Variants in PCSK6 observed in about 807,000 individuals in gnomAD.
PCSK6 encodes the protein paired basic amino acid cleaving enzyme 4.
In PCSK6, 85 loss-of-function variants were observed where a neutral mutation model predicts 123.3. The ratio of observed to expected loss-of-function variants is 0.69; its 90% CI spans 0.58 to 0.83. The LOEUF is 0.83. PCSK6 is among the 40% of genes least tolerant of loss of function. The probability of loss-of-function intolerance (pLI) is 0.00; values close to 1 mark genes in which losing one functional copy is unlikely to be tolerated. For synonymous variants in PCSK6, 508 were observed against 516.0 expected (o/e 0.98, Z 0.21); for missense variants, 1,191 against 1,282.3 (o/e 0.93, Z 1.09).
At chr15:101,360,153 T>C (rs1486024976) in intron 13 of PCSK6, among the ~76,000 whole-genome samples, 1 of 152,190 alleles carries the variant, frequency 6.6e-6, no homozygotes. Flanking sequence ...GACTGCTTCA[T>C]ACACTCCACT....
chr15:101,404,740 G>A (rs1181544310), intron 6 of PCSK6, among the ~76,000 whole-genome samples: 3 of 152,156 alleles, frequency 2.0e-5, no homozygotes, highest in African/African-American at 7.2e-5. Flanking sequence ...GGAACTGCTG[G>A]ATAAATGGCA....
At chr15:101,395,018 G>T (rs1253928739) in intron 7 of PCSK6, among the ~76,000 whole-genome samples, 1 of 152,212 alleles carries the variant, frequency 6.6e-6, no homozygotes, top group East Asian at 1.9e-4. Flanking sequence ...GTGATTACCT[G>T]CAGGAAGAGA....
At chr15:101,439,208 T>C (rs553830510) in intron 2 of PCSK6, among the ~76,000 whole-genome samples, 3 of 152,328 alleles carry the variant, frequency 2.0e-5, no homozygotes, top group African/African-American at 7.2e-5. Flanking sequence ...CCGCTGGCAC[T>C]GCAGTGGAAT....
chr15:101,437,917 G>A lies in PCSK6; in HGVS notation c.402+5639C>T, dbSNP rs139524622. Among the ~76,000 whole-genome samples the A allele has an allele frequency of 3.2e-3, 494 of 152,274 alleles. 3 individuals are homozygous for A. Among genetic ancestry groups the A allele is most frequent in the African/African-American group, 0.011 (461 of 41,528 alleles). On this transcript the variant is annotated intron_variant, in intron 2 of 21. Coordinates refer to ENST00000611716, the MANE Select transcript of PCSK6 (RefSeq NM_002570.5). ...AGCTCAGAACGTGACTGTAATGGGA[G>A]ATAAGGGCCTTAAAGAGGTAGTTAC...
chr15:101,304,153 T>A lies in PCSK6; in HGVS notation c.*1105A>T, dbSNP rs1210713221. 6.6e-6 allele frequency: 1 copy of A among 152,570 alleles called. No homozygotes were observed. The highest frequency in any genetic ancestry group is 1.5e-5 in the Non-Finnish European group (1 of 68,026). The allele number at this position is 152,570 out of a possible 1,614,324, so 9.5% of individuals were successfully genotyped here. On this transcript the variant is annotated 3_prime_UTR_variant, in exon 22 of 22. Transcript: ENST00000611716. ...TTACTTCCCTATTCAAGGGAATTGA[T>A]CAAGCAGATCTGTGCATTTCAATGA...
At position 101,307,154 on chromosome 15, in the gene PCSK6, C is replaced by T. The variant is rs77015935; in HGVS notation, c.2812+59G>A. 2.7e-4 allele frequency: 353 copies of T among 1,287,890 alleles called. No individual in the cohort carries two copies. The African/African-American group carries it at 3.7e-3, about 13-fold the overall frequency. The allele number at this position is 1,287,890 out of a possible 1,614,324, so 79.8% of individuals were successfully genotyped here. On this transcript the variant is annotated intron_variant, in intron 21 of 21. Transcript: ENST00000611716. ...TGGCTTTGCTTTTCTCTTTGGAGCA[C>T]GAGCTGGCCAGCTGAGCTCCTCCAC...
chr15:101,407,805 C>A (rs1391702767), intron 6 of PCSK6, among the ~76,000 whole-genome samples: 7 of 152,228 alleles, frequency 4.6e-5, no homozygotes, highest in African/African-American at 1.7e-4. Flanking sequence ...GGAACTGGAA[C>A]AAACCACCTT....
At chr15:101,372,040 C>A (rs763294309) in intron 11 of PCSK6, among the ~76,000 whole-genome samples, 4 of 152,142 alleles carry the variant, frequency 2.6e-5, no homozygotes, top group Non-Finnish European at 4.4e-5. Context: ...CTCCCCAGAC[C>A]AAGCAGATCC....
intron 13 of PCSK6, among the ~76,000 whole-genome samples, chr15:101,362,355 A>C (rs1363935310): frequency 1.3e-5 from 2 of 152,252 alleles, no homozygotes; most frequent in Non-Finnish European, 2.9e-5. Context: ...GCCCAGAAGC[A>C]GGAGGCTGCT....
chr15:101,338,736 A>G (rs2040537426), intron 13 of PCSK6, among the ~76,000 whole-genome samples: 1 of 152,220 alleles, frequency 6.6e-6, no homozygotes, highest in Admixed American at 6.5e-5. Flanking sequence ...AAGATGCCCA[A>G]TCAAATTTTT....
chr15:101,343,816 C>T (rs891275048), intron 13 of PCSK6, among the ~76,000 whole-genome samples: 4 of 152,266 alleles, frequency 2.6e-5, no homozygotes, highest in East Asian at 3.9e-4. Flanking sequence ...ATTGGCCGGG[C>T]GCGGTGGCTC....
At chr15:101,414,775 G>C (rs1037824959) in intron 6 of PCSK6, among the ~76,000 whole-genome samples, 1 of 152,124 alleles carries the variant, frequency 6.6e-6, no homozygotes, top group Non-Finnish European at 1.5e-5. Context: ...TGGATGGATG[G>C]ATGAATAGAT....
Position 101,309,603 on chromosome 15 carries a change from C to T in PCSK6, c.2700-2278G>A, listed in dbSNP as rs140795896. On this transcript the variant is annotated intron_variant, in intron 20 of 21. Coordinates refer to ENST00000611716, the MANE Select transcript of PCSK6 (RefSeq NM_002570.5). ...TCAGGAGTGGGATGCAGAAGACTGA[C>T]GCTTTCATGCTCCAGCCTGGACGCA... Among the ~76,000 whole-genome samples, 561 of 152,362 alleles carry T rather than the reference C, an allele frequency of 3.7e-3. 12 individuals carry two copies. Among genetic ancestry groups the T allele is most frequent in the Admixed American group, 0.028 (436 of 15,302 alleles).
At chr15:101,390,916 A>G (rs1232693002) in intron 8 of PCSK6, among the ~76,000 whole-genome samples, 1 of 145,136 alleles carries the variant, frequency 6.9e-6, no homozygotes, top group African/African-American at 2.5e-5. Flanking sequence ...ACACCCACCC[A>G]CCCACCACAG....
At chr15:101,327,961 T>C (rs539843124) in intron 15 of PCSK6, among the ~76,000 whole-genome samples, 1 of 152,264 alleles carries the variant, frequency 6.6e-6, no homozygotes, top group South Asian at 2.1e-4. Flanking sequence ...TAAAACTCAT[T>C]ACTAAACTCC....
chr15:101,427,091 G>A (rs753718934), intron 6 of PCSK6, among the ~76,000 whole-genome samples: 14 of 152,200 alleles, frequency 9.2e-5, no homozygotes, highest in Non-Finnish European at 1.6e-4. Context: ...TCACACTGCC[G>A]GGCTCCCGTG....
chr15:101,451,183 T>C (rs1434997051), intron 1 of PCSK6, among the ~76,000 whole-genome samples: 1 of 151,962 alleles, frequency 6.6e-6, no homozygotes, highest in Non-Finnish European at 1.5e-5. Flanking sequence ...TAAATGTTTT[T>C]TGAAGATCCT....
At chr15:101,438,325 A>G (rs937534233) in intron 2 of PCSK6, among the ~76,000 whole-genome samples, 1 of 152,250 alleles carries the variant, frequency 6.6e-6, no homozygotes, top group African/African-American at 2.4e-5. Flanking sequence ...TCCATAATTT[A>G]GCCAAGGTGG....
intron 11 of PCSK6, among the ~76,000 whole-genome samples, chr15:101,373,770 A>G (rs1445602685): frequency 2.6e-5 from 4 of 152,252 alleles, no homozygotes; most frequent in Non-Finnish European, 5.9e-5. Flanking sequence ...TCCACCCTAC[A>G]GTTATTTCTA....
Sources: gnomAD v4.1 joint callset for allele counts (sites outside exome capture counted in the v4.1 genomes callset) on GRCh38, gnomAD v4.1.1 for gene constraint, MANE v1.5 for transcripts, NCBI Gene and HGNC (gene_info 2026-07-23, HGNC 2026-07-21) for gene names.